RFT1: variants seen among roughly 807,000 people sequenced by gnomAD.
RFT1 encodes the protein man(5)GlcNAc(2)-PP-dolichol translocation protein RFT1.
Under a neutral mutation model 62.2 loss-of-function variants are expected in RFT1, and 43 were observed. The observed-to-expected ratio is 0.69, with a 90% CI of 0.54 to 0.89. The LOEUF (loss-of-function observed/expected upper bound fraction) is 0.89, where lower values mean the gene tolerates loss of function less well. Among genes scored for constraint, RFT1 ranks in the 40% least tolerant of loss-of-function variants. The probability of loss-of-function intolerance (pLI) is 0.00; values close to 1 mark genes in which losing one functional copy is unlikely to be tolerated. For missense variants in RFT1, 605 were observed against 649.9 expected, an observed-to-expected ratio of 0.93 and a Z score of 0.75; for synonymous variants, 262 against 264.6, an observed-to-expected ratio of 0.99 and a Z score of 0.10.
At chr3:53,109,159 C>T (rs1354666144) in intron 7 of RFT1, among the ~76,000 whole-genome samples, 1 of 152,196 alleles carries the variant, frequency 6.6e-6, no homozygotes, top group East Asian at 1.9e-4. Flanking sequence ...GCTGGGCCCA[C>T]CTTGGCTCCT....
intron 6 of RFT1, among the ~76,000 whole-genome samples, chr3:53,117,075 G>T (rs1701830928): frequency 6.6e-6 from 1 of 152,166 alleles, no homozygotes; most frequent in Non-Finnish European, 1.5e-5. Context: ...AGAGAAGTGG[G>T]TCCAAAACCA....
Position 53,106,820 on chromosome 3 carries a change from C to T in RFT1, c.825G>A (p.Gln275=), listed in dbSNP as rs771002905. The T allele has an allele frequency of 1.2e-6, 2 of 1,611,404 alleles. No homozygotes were observed. Among genetic ancestry groups the T allele is most frequent in the Admixed American group, 1.7e-5 (1 of 59,996 alleles). ...TFLNVLNFGD[Q]GVYDIVNNLG... ...AAACACTACAGAATTTCATCTTACC[C>T]TGATCACCAAAGTTCAATACATTCA... is the stretch of plus-strand genomic sequence containing the variant. The change falls in exon 8 of 13, where the codon CAG becomes CAA. Residue 275 remains glutamine (Q), a splice_region_variant and synonymous_variant. Transcript: ENST00000296292.
At chr3:53,096,075 A>T (rs185910111) in intron 11 of RFT1, among the ~76,000 whole-genome samples, 22 of 152,278 alleles carry the variant, frequency 1.4e-4, no homozygotes, top group Non-Finnish European at 2.8e-4. Flanking sequence ...CTGCCCAGCA[A>T]ACCCAATCTA....
chr3:53,095,748 T>C (rs1472180742), intron 11 of RFT1, among the ~76,000 whole-genome samples: 3 of 147,274 alleles, frequency 2.0e-5, no homozygotes, highest in Non-Finnish European at 3.0e-5. Flanking sequence ...AAGGCATGGA[T>C]GGTCGAGGAT....
chr3:53,068,760 C>G, the RFT1 span, among the ~76,000 whole-genome samples: 1 of 152,194 alleles, frequency 6.6e-6, no homozygotes, highest in African/African-American at 2.4e-5. Flanking sequence ...ACTTATATGG[C>G]TCAACTTGGG....
chr3:53,076,767 A>G, the RFT1 span, among the ~76,000 whole-genome samples: 3 of 152,136 alleles, frequency 2.0e-5, no homozygotes, highest in Non-Finnish European at 4.4e-5. Flanking sequence ...CCTGGGCAAC[A>G]TAGTGTGACC....
chr3:53,083,936 C>T (rs565690207), downstream of RFT1, among the ~76,000 whole-genome samples: 1 of 152,358 alleles, frequency 6.6e-6, no homozygotes, highest in East Asian at 1.9e-4. Context: ...CATGCTATCC[C>T]AGTTTGTTCA....
At chr3:53,068,326 A>T in the RFT1 span, among the ~76,000 whole-genome samples, 1 of 151,430 alleles carries the variant, frequency 6.6e-6, no homozygotes, top group African/African-American at 2.4e-5. Flanking sequence ...GACCCCCCCC[A>T]CCAAGGTACC....
intron 11 of RFT1, among the ~76,000 whole-genome samples, chr3:53,096,565 C>T (rs1701147776): frequency 6.6e-6 from 1 of 151,796 alleles, no homozygotes. Flanking sequence ...CACCTGTAAT[C>T]CCAGCTAATC....
the RFT1 span, among the ~76,000 whole-genome samples, chr3:53,082,324 A>C: frequency 2.6e-5 from 4 of 151,980 alleles, no homozygotes; most frequent in African/African-American, 9.7e-5. Context: ...AACATACAAA[A>C]ATTAGTTGAG....
intron 7 of RFT1, among the ~76,000 whole-genome samples, chr3:53,110,181 C>G (rs1029595335): frequency 1.3e-5 from 2 of 152,242 alleles, no homozygotes; most frequent in East Asian, 3.8e-4. Context: ...CTTATTAAAA[C>G]TGCTCTTAAA....
intron 2 of RFT1, 74 bp downstream of exon 2, chr3:53,125,835 A>G: frequency 8.7e-7 from 1 of 1,154,928 alleles, no homozygotes; most frequent in Non-Finnish European, 1.3e-6. Context: ...AAGGATGACA[A>G]ACAGGTACAG....
intron 1 of RFT1, among the ~76,000 whole-genome samples, chr3:53,128,694 A>T (rs1040703158): frequency 6.6e-6 from 1 of 152,160 alleles, no homozygotes; most frequent in African/African-American, 2.4e-5. Context: ...TATTTTTTGT[A>T]AAGACAAGGT....
At chr3:53,071,601 T>C in the RFT1 span, among the ~76,000 whole-genome samples, 1 of 152,338 alleles carries the variant, frequency 6.6e-6, no homozygotes, top group Middle Eastern at 3.4e-3. Context: ...GCAGCCATGT[T>C]GGGTCTCCAT....
intron 9 of RFT1, 58 bp from the exon 10 acceptor site, chr3:53,104,155 A>G (rs1481995185): frequency 6.4e-7 from 1 of 1,574,454 alleles, no homozygotes; most frequent in African/African-American, 1.3e-5. Flanking sequence ...GAAAACCTTC[A>G]TCCTTCACGT....
chr3:53,106,971 G>A, intron 7 of RFT1, 102 bp from the exon 8 acceptor site: 3 of 812,596 alleles, frequency 3.7e-6, no homozygotes, highest in Admixed American at 2.0e-5. Context: ...ACAAATAAAG[G>A]AGAAATACTA....
In RFT1 at chr3:53,089,802, T is replaced by G. The variant is rs1372921797; in HGVS notation, c.*2101A>C. On this transcript the variant is annotated 3_prime_UTR_variant, in exon 13 of 13. Transcript: ENST00000296292. ...GAGGAGCTGGCCCTGACAGCAGCAC[T>G]GGGCGAACAGCAGGGGAGGGATGAG... The G allele has an allele frequency of 6.6e-6, 1 of 152,414 alleles. No homozygotes were observed. The highest frequency in any genetic ancestry group is 1.5e-5 in the Non-Finnish European group (1 of 68,188). The allele number at this position is 152,414 out of a possible 1,614,324, so 9.4% of individuals were successfully genotyped here. A position where few individuals can be genotyped will look rare whatever the true frequency, so the allele number is the denominator to read the frequency against.
intron 11 of RFT1, 25 bp from the exon 12 acceptor site, chr3:53,092,643 G>C: frequency 1.9e-6 from 3 of 1,605,530 alleles, no homozygotes; most frequent in Non-Finnish European, 2.6e-6. Flanking sequence ...GGAAAAGGAG[G>C]GCAGTGGTGA....
At chr3:53,081,180 C>T in the RFT1 span, among the ~76,000 whole-genome samples, 12 of 152,332 alleles carry the variant, frequency 7.9e-5, no homozygotes, top group East Asian at 3.9e-4. Flanking sequence ...GGGAAAGAAA[C>T]GGTGACCTGA....
Sources: allele counts gnomAD v4.1 joint callset (sites outside exome capture counted in the v4.1 genomes callset), GRCh38; gene constraint gnomAD v4.1.1; transcripts MANE v1.5; gene names NCBI Gene and HGNC (gene_info 2026-07-23, HGNC 2026-07-21).